The following NDST3 variants were observed in gnomAD, a reference collection of about 807,000 sequenced individuals.
NDST3 encodes the protein N-deacetylase and N-sulfotransferase 3.
A neutral mutation model predicts 96.1 loss-of-function variants in NDST3; 58 were observed. That is an observed-to-expected ratio of 0.60 (90% CI 0.49 to 0.75). NDST3 has a LOEUF of 0.75. Among genes scored for constraint, NDST3 ranks in the 30% least tolerant of loss-of-function variants. NDST3 has a pLI of 0.00. For missense variants in NDST3, 788 were observed against 1,034.2 expected, an observed-to-expected ratio of 0.76 and a Z score of 3.27; for synonymous variants, 333 against 359.7, an observed-to-expected ratio of 0.93 and a Z score of 0.84.
At chr4:118,236,248 TATC>T (rs1278030385) in intron 9 of NDST3, among the ~76,000 whole-genome samples, 12 of 152,186 alleles carry the variant, frequency 7.9e-5, no homozygotes, top group African/African-American at 2.9e-4. Context: ...ATATATTTCT[TATC>T]ATATGCTGAA....
intron 12 of NDST3, among the ~76,000 whole-genome samples, chr4:118,247,861 T>G (rs1208892609): frequency 6.6e-6 from 1 of 152,246 alleles, no homozygotes; most frequent in Non-Finnish European, 1.5e-5. Context: ...ATGCCTATCC[T>G]ATATTAGTAA....
chr4:118,190,625 G>A (rs1737246023), intron 6 of NDST3, among the ~76,000 whole-genome samples: 2 of 152,280 alleles, frequency 1.3e-5, no homozygotes, highest in South Asian at 4.2e-4. Flanking sequence ...AGACAGAGCT[G>A]TGAAGACTAT....
chr4:118,076,727 C>T (rs1202389154), intron 2 of NDST3, among the ~76,000 whole-genome samples: 1 of 152,054 alleles, frequency 6.6e-6, no homozygotes, highest in Non-Finnish European at 1.5e-5. Context: ...TTTTTGGATT[C>T]AGTTTCTACT....
At chr4:118,152,807 A>C (rs1312324284) in intron 6 of NDST3, among the ~76,000 whole-genome samples, 3 of 152,314 alleles carry the variant, frequency 2.0e-5, no homozygotes, top group Admixed American at 1.3e-4. Flanking sequence ...ATATGAATGC[A>C]TCAGATATTC....
At chr4:118,183,739 C>T (rs934680260) in intron 6 of NDST3, among the ~76,000 whole-genome samples, 4 of 152,230 alleles carry the variant, frequency 2.6e-5, no homozygotes, top group African/African-American at 4.8e-5. Flanking sequence ...TTGCTATTGT[C>T]TTCTGGCCTC....
chr4:118,151,743 GA>G (rs1734414181), intron 6 of NDST3, among the ~76,000 whole-genome samples: 2 of 152,136 alleles, frequency 1.3e-5, no homozygotes, highest in South Asian at 4.1e-4. Context: ...AAAACAGTAA[GA>G]ATTAATGTTT....
intron 6 of NDST3, among the ~76,000 whole-genome samples, chr4:118,214,281 G>A (rs1739045888): frequency 6.6e-6 from 1 of 152,098 alleles, no homozygotes; most frequent in Admixed American, 6.6e-5. Context: ...AAGCATTAAG[G>A]TACAGACTCT....
intron 6 of NDST3, among the ~76,000 whole-genome samples, chr4:118,172,290 A>G (rs528806438): frequency 6.6e-6 from 1 of 152,308 alleles, no homozygotes; most frequent in South Asian, 2.1e-4. Flanking sequence ...AACAGCCTTA[A>G]ACATCTTGGT....
rs575748500 is a variant in NDST3, at chr4:118,155,055, C to A, written c.1539+11371C>A. 6.7e-4 allele frequency among the ~76,000 whole-genome samples: 102 copies of A among 152,302 alleles called. 1 individual carries two copies. Among genetic ancestry groups the A allele is most frequent in the African/African-American group, 2.2e-3 (93 of 41,564 alleles). On this transcript the variant is annotated intron_variant, in intron 6 of 13. Coordinates refer to ENST00000296499, the MANE Select transcript of NDST3 (RefSeq NM_004784.3). ...AGAACTACGAATAAAGAACTATGTT[C>A]TCTTTATCTTAATACATTGTATTGA...
chr4:118,192,905 A>T (rs1737406287), intron 6 of NDST3, among the ~76,000 whole-genome samples: 1 of 152,142 alleles, frequency 6.6e-6, no homozygotes, highest in Non-Finnish European at 1.5e-5. Context: ...AGGAGACAGC[A>T]TCAGCCATGC....
intron 4 of NDST3, among the ~76,000 whole-genome samples, chr4:118,135,426 T>C (rs1732995123): frequency 2.0e-5 from 3 of 152,174 alleles, no homozygotes; most frequent in Admixed American, 2.0e-4. Context: ...GGTAGGATCA[T>C]AGCATCTAAA....
chr4:118,209,590 G>A lies in NDST3; in HGVS notation c.1540-14901G>A, dbSNP rs867892358. Among the ~76,000 whole-genome samples the A allele has an allele frequency of 1.8e-4, 28 of 152,296 alleles. No individual in the cohort carries two copies. The Middle Eastern group carries it at 0.014, about 74-fold the overall frequency. The stretch of plus-strand genomic sequence containing the variant: ...CATCAATCTTTAGCTCGTAATAAAA[G>A]GGCTGAACTTGCAGTTCTGAAAGTA... On this transcript the variant is annotated intron_variant, in intron 6 of 13. Coordinates refer to ENST00000296499, the MANE Select transcript of NDST3 (RefSeq NM_004784.3).
chr4:118,187,518 T>C (rs1371293977), intron 6 of NDST3, among the ~76,000 whole-genome samples: 1 of 152,210 alleles, frequency 6.6e-6, no homozygotes, highest in Non-Finnish European at 1.5e-5. Context: ...CTAACATTTG[T>C]TGTTCGTATT....
chr4:118,133,922 C>T (rs1732854487), intron 4 of NDST3, among the ~76,000 whole-genome samples: 1 of 152,070 alleles, frequency 6.6e-6, no homozygotes, highest in African/African-American at 2.4e-5. Context: ...TTTCATGAAC[C>T]TTATTGTTTA....
intron 2 of NDST3, among the ~76,000 whole-genome samples, chr4:118,079,078 C>T (rs981914638): frequency 6.6e-6 from 1 of 152,130 alleles, no homozygotes; most frequent in Non-Finnish European, 1.5e-5. Flanking sequence ...GAAAACTAGA[C>T]CATTTTTGGC....
Position 118,053,989 on chromosome 4 carries a change from A to G in NDST3, c.79A>G (p.Ile27Val), listed in dbSNP as rs968380304. The G allele has an allele frequency of 1.9e-6, 3 of 1,612,488 alleles. No homozygotes were observed. Among genetic ancestry groups the G allele is most frequent in the African/African-American group, 2.7e-5 (2 of 74,810 alleles). ...TGCCACTTTTTGTATGGTGAGCATT[A>G]TCATTTCTGCTTACTACCTGTACAG... Reference protein sequence around the residue: ...LLATFCMVSIIISAYYLYSGY... With the variant: ...LLATFCMVSIVISAYYLYSGY... The change falls in exon 2 of 14, where the codon ATC becomes GTC. Residue 27 changes from isoleucine (I) to valine (V), a missense_variant. Physicochemically the swap from Ile to Val is conservative, Grantham distance 29. Coordinates refer to ENST00000296499, the MANE Select transcript of NDST3 (RefSeq NM_004784.3).
intron 2 of NDST3, among the ~76,000 whole-genome samples, chr4:118,104,239 T>C (rs904439144): frequency 6.6e-6 from 1 of 152,112 alleles, no homozygotes; most frequent in Non-Finnish European, 1.5e-5. Context: ...CTAACAGCAT[T>C]ACTTTCTGCC....
At chr4:118,058,772 A>G (rs1195282153) in intron 2 of NDST3, among the ~76,000 whole-genome samples, 1 of 151,962 alleles carries the variant, frequency 6.6e-6, no homozygotes, top group African/African-American at 2.4e-5. Flanking sequence ...GGAGAGAGAA[A>G]GTGATGTTTC....
At chr4:118,109,461 C>G (rs1333157741) in intron 3 of NDST3, among the ~76,000 whole-genome samples, 2 of 152,162 alleles carry the variant, frequency 1.3e-5, no homozygotes, top group African/African-American at 4.8e-5. Context: ...TCATGTCATT[C>G]CTTCTCATCT....
Sources: allele counts gnomAD v4.1 joint callset (sites outside exome capture counted in the v4.1 genomes callset), GRCh38; gene constraint gnomAD v4.1.1; transcripts MANE v1.5; gene names NCBI Gene and HGNC (gene_info 2026-07-23, HGNC 2026-07-21).